The following HNRNPC variants were observed in gnomAD, a reference collection of about 807,000 sequenced individuals.
HNRNPC encodes the protein heterogeneous nuclear ribonucleoproteins C1/C2.
In HNRNPC, 3 loss-of-function variants were observed where a neutral mutation model predicts 33.2. The observed-to-expected ratio is 0.09, with a 90% CI of 0.04 to 0.23. HNRNPC has a LOEUF of 0.23. Among genes scored for constraint, HNRNPC ranks in the 10% least tolerant of loss-of-function variants. The pLI is 1.00. For missense variants in HNRNPC, 143 were observed against 366.7 expected, an observed-to-expected ratio of 0.39 and a Z score of 4.98; for synonymous variants, 121 against 126.7, an observed-to-expected ratio of 0.96 and a Z score of 0.30.
intron 5 of HNRNPC, among the ~76,000 whole-genome samples, chr14:21,222,613 C>A (rs1434411899): frequency 6.6e-6 from 1 of 152,156 alleles, no homozygotes; most frequent in Non-Finnish European, 1.5e-5. Flanking sequence ...GCTGCTATGG[C>A]CGGGCCTAGT....
At position 21,239,774 on chromosome 14, in the gene HNRNPC, T is replaced by A. The variant is rs1301364567; in HGVS notation, c.-36-5545A>T. On this transcript the variant is annotated intron_variant, in intron 2 of 8. Transcript: ENST00000553300. Reference sequence around the variant, plus strand: ...CTGTAATCCCAGCTACTTGGGAGGATGACACAGGAAAATCCCTTGAACCCG... The same window carrying A: ...CTGTAATCCCAGCTACTTGGGAGGAAGACACAGGAAAATCCCTTGAACCCG... Among the ~76,000 whole-genome samples, 8 of 151,738 alleles carry A rather than the reference T, an allele frequency of 5.3e-5. No individual in the cohort carries two copies. The East Asian group carries it at 1.6e-3, about 30-fold the overall frequency.
In HNRNPC at chr14:21,249,648, G is replaced by T. The variant is rs965533998; in HGVS notation, c.-37+13663C>A. Among the ~76,000 whole-genome samples the T allele has an allele frequency of 2.0e-5, 3 of 146,738 alleles. No homozygotes were observed. In the East Asian group the frequency reaches 6.0e-4, roughly 29 times the overall value. On this transcript the variant is annotated intron_variant, in intron 2 of 8. Coordinates refer to ENST00000553300, the MANE Select transcript of HNRNPC (RefSeq NM_004500.4). ...TGAATTGGGTACCTCTAGATTCACT[G>T]AACATTGTATTACATATTTTGGGGT... is the stretch of plus-strand genomic sequence containing the variant.
At chr14:21,218,166 T>C (rs1420774450) in intron 5 of HNRNPC, among the ~76,000 whole-genome samples, 1 of 152,172 alleles carries the variant, frequency 6.6e-6, no homozygotes, top group Non-Finnish European at 1.5e-5. Context: ...TTTCACCATG[T>C]TAGCCAGGCT....
chr14:21,212,886 A>G, intron 6 of HNRNPC, 74 bp downstream of exon 6: 1 of 1,568,322 alleles, frequency 6.4e-7, no homozygotes, highest in South Asian at 1.1e-5. Context: ...TGGCACAAAA[A>G]TATTGTAACT....
chr14:21,226,612 T>C (rs1210435433), intron 5 of HNRNPC, among the ~76,000 whole-genome samples: 1 of 152,024 alleles, frequency 6.6e-6, no homozygotes, highest in Non-Finnish European at 1.5e-5. Flanking sequence ...ATCTCAGCAC[T>C]TTGCGTGGCC....
At chr14:21,260,151 G>T (rs1201357012) in intron 2 of HNRNPC, among the ~76,000 whole-genome samples, 1 of 142,554 alleles carries the variant, frequency 7.0e-6, no homozygotes, top group African/African-American at 2.7e-5. Flanking sequence ...AGTGAGCCGA[G>T]ATCGTGCCAC....
intron 2 of HNRNPC, among the ~76,000 whole-genome samples, chr14:21,254,933 C>CAA (rs78136622): frequency 7.5e-5 from 10 of 133,088 alleles, no homozygotes; most frequent in African/African-American, 2.2e-4. Flanking sequence ...AAAAAAAAAA[C>CAA]AAAAAAAAAA....
intron 2 of HNRNPC, among the ~76,000 whole-genome samples, chr14:21,237,397 C>A (rs1429414406): frequency 6.6e-6 from 1 of 152,118 alleles, no homozygotes; most frequent in African/African-American, 2.4e-5. Context: ...TTTAAGAATC[C>A]ACAGTATTAA....
chr14:21,259,796 T>C (rs1280359151), intron 2 of HNRNPC, among the ~76,000 whole-genome samples: 2 of 151,472 alleles, frequency 1.3e-5, no homozygotes, highest in Non-Finnish European at 2.9e-5. Context: ...ATTTCCATAC[T>C]GTTATTAGAA....
intron 5 of HNRNPC, among the ~76,000 whole-genome samples, chr14:21,214,190 C>T (rs1891912621): frequency 6.6e-6 from 1 of 152,138 alleles, no homozygotes; most frequent in South Asian, 2.1e-4. Context: ...ATACACCTAC[C>T]AACTGTTCTA....
At chr14:21,252,686 T>C (rs934474334) in intron 2 of HNRNPC, among the ~76,000 whole-genome samples, 1 of 152,180 alleles carries the variant, frequency 6.6e-6, no homozygotes, top group Non-Finnish European at 1.5e-5. Flanking sequence ...TAAGTCCTAA[T>C]TCTTTTTAAA....
chr14:21,211,224 T>C lies in HNRNPC; in HGVS notation c.881A>G (p.Ter294=), dbSNP rs749747178. ...AGATTTCTAAACCCCACTATGTGCTTAAGAGTCATCCTCGCCATTGGCGCT... is the reference window on the plus strand; with the variant it reads ...AGATTTCTAAACCCCACTATGTGCTCAAGAGTCATCCTCGCCATTGGCGCT... The part of the protein sequence containing the change: ...RDSANGEDDS[*] The change falls in exon 9 of 9, where the codon TAA becomes TGA. Residue 294 remains the stop codon, a stop_retained_variant. Transcript: ENST00000553300. The C allele has an allele frequency of 6.2e-7, 1 of 1,613,936 alleles. No homozygotes were observed. The highest frequency in any genetic ancestry group is 8.5e-7 in the Non-Finnish European group (1 of 1,179,840).
In HNRNPC at chr14:21,238,952, C is replaced by G. The variant is rs560043608; in HGVS notation, c.-36-4723G>C. Among the ~76,000 whole-genome samples, 108 of 152,212 alleles carry G rather than the reference C, an allele frequency of 7.1e-4. 1 individual carries two copies. The highest frequency in any genetic ancestry group is 3.4e-3 in the Middle Eastern group (1 of 292). On this transcript the variant is annotated intron_variant, in intron 2 of 8. Transcript: ENST00000553300. ...GGCCACTCTGGCCAACATGGTGAAA[C>G]CCCATCTCTACTAAAAATACAAAAA...
chr14:21,250,119 G>A (rs1005850296), intron 2 of HNRNPC, among the ~76,000 whole-genome samples: 1 of 152,060 alleles, frequency 6.6e-6, no homozygotes, highest in African/African-American at 2.4e-5. Flanking sequence ...TGGAGGTGGT[G>A]GCGCACACCT....
rs746008221 is a variant in HNRNPC, at chr14:21,213,127, A to G, written c.366-10T>C. The G allele has an allele frequency of 6.2e-7, 1 of 1,612,760 alleles. No homozygotes were observed. Among genetic ancestry groups the G allele is most frequent in the Non-Finnish European group, 8.5e-7 (1 of 1,179,020 alleles). On this transcript the variant is annotated splice_polypyrimidine_tract_variant and intron_variant, in intron 5 of 8. Coordinates refer to ENST00000553300, the MANE Select transcript of HNRNPC (RefSeq NM_004500.4). Reference sequence around the variant, plus strand: ...TGGGTAACTGTACATCCTATTGGATAAGAGGAAAATGGAATTCATTCAAAC... The same window carrying G: ...TGGGTAACTGTACATCCTATTGGATGAGAGGAAAATGGAATTCATTCAAAC...
chr14:21,255,054 C>T (rs1876932653), intron 2 of HNRNPC, among the ~76,000 whole-genome samples: 1 of 152,080 alleles, frequency 6.6e-6, no homozygotes, highest in Admixed American at 6.5e-5. Context: ...GCTAGAAAAC[C>T]CACTTATGTG....
chr14:21,228,771 GT>G (rs1209270269), intron 5 of HNRNPC, among the ~76,000 whole-genome samples: 2 of 151,796 alleles, frequency 1.3e-5, no homozygotes, highest in Non-Finnish European at 2.9e-5. Flanking sequence ...TTTTCAAAAT[GT>G]TCACACATAA....
chr14:21,236,076 A>T (rs566227362), intron 2 of HNRNPC, among the ~76,000 whole-genome samples: 1 of 152,260 alleles, frequency 6.6e-6, no homozygotes, highest in East Asian at 1.9e-4. Flanking sequence ...TATTTTCACA[A>T]GTCTGAGTAC....
Position 21,238,310 on chromosome 14 carries a change from C to G in HNRNPC, c.-36-4081G>C, listed in dbSNP as rs796372679. 7.2e-5 allele frequency among the ~76,000 whole-genome samples: 11 copies of G among 151,926 alleles called. 1 individual carries two copies. The highest frequency in any genetic ancestry group is 2.7e-4 in the African/African-American group (11 of 41,422). The stretch of plus-strand genomic sequence containing the variant: ...GTGATGTGCAAATTATAATTTGAGT[C>G]AAAAAAATAGTATCTGAAAACGTAC... On this transcript the variant is annotated intron_variant, in intron 2 of 8. Coordinates refer to ENST00000553300, the MANE Select transcript of HNRNPC (RefSeq NM_004500.4).
Sources: allele counts gnomAD v4.1 joint callset (sites outside exome capture counted in the v4.1 genomes callset), GRCh38; gene constraint gnomAD v4.1.1; transcripts MANE v1.5; gene names NCBI Gene and HGNC (gene_info 2026-07-23, HGNC 2026-07-21).